Variants in IL5 observed in about 807,000 individuals in gnomAD.
The protein encoded by IL5 is interleukin-5.
In IL5, 12 loss-of-function variants were observed where a neutral mutation model predicts 16.3. The observed-to-expected ratio is 0.74, with a 90% confidence interval of 0.47 to 1.20. The LOEUF is 1.20. Ranked by LOEUF, IL5 falls within the 50% of genes most tolerant of loss-of-function variation. The pLI is 0.00. For synonymous variants in IL5, 54 were observed against 56.6 expected (o/e 0.95, Z 0.21); for missense variants, 159 against 153.9 (o/e 1.03, Z -0.17).
chr5:132,547,586 G>A (rs904458351), upstream of IL5, among the ~76,000 whole-genome samples: 8 of 152,118 alleles, frequency 5.3e-5, no homozygotes, highest in East Asian at 3.8e-4. Flanking sequence ...TAAGGACAAC[G>A]GGCACAACTA....
exon 1 of IL5, chr5:132,556,721 G>A (rs1360932815): frequency 1.6e-6 from 2 of 1,243,862 alleles, no homozygotes; most frequent in East Asian, 5.3e-5. Context: ...CCCATTCCAG[G>A]AGTCCCAGGA....
upstream of IL5, among the ~76,000 whole-genome samples, chr5:132,546,755 G>A (rs1231688826): frequency 2.0e-5 from 3 of 152,180 alleles, no homozygotes; most frequent in African/African-American, 7.2e-5. Context: ...GCCAGGCATG[G>A]TGGCTCACAC....
At chr5:132,551,953 G>A (rs1399388413) in intron 1 of IL5, among the ~76,000 whole-genome samples, 1 of 152,120 alleles carries the variant, frequency 6.6e-6, no homozygotes, top group African/African-American at 2.4e-5. Flanking sequence ...TCAGAAAAAA[G>A]GGAGAATTAT....
chr5:132,547,698 G>C (rs1228192049), upstream of IL5, among the ~76,000 whole-genome samples: 1 of 152,204 alleles, frequency 6.6e-6, no homozygotes, highest in African/African-American at 2.4e-5. Context: ...ACTGGGTGCA[G>C]GGCACACTGG....
chr5:132,552,417 C>T (rs1749898584), intron 1 of IL5, among the ~76,000 whole-genome samples: 1 of 152,118 alleles, frequency 6.6e-6, no homozygotes, highest in African/African-American at 2.4e-5. Context: ...TAGTAGTTTA[C>T]TAAGAAGTGG....
chr5:132,546,118 A>G (rs1376553488), upstream of IL5, among the ~76,000 whole-genome samples: 1 of 152,190 alleles, frequency 6.6e-6, no homozygotes, highest in Non-Finnish European at 1.5e-5. Context: ...AATACTTCTT[A>G]TTCAAAATTG....
upstream of IL5, among the ~76,000 whole-genome samples, chr5:132,545,918 AAAACAAAC>A (rs573189792): frequency 6.6e-6 from 1 of 152,084 alleles, no homozygotes; most frequent in Non-Finnish European, 1.5e-5. Context: ...AGACTGTCTC[AAAACAAAC>A]AAACAAACAA....
At chr5:132,553,678 T>G (rs1231360250) in intron 1 of IL5, among the ~76,000 whole-genome samples, 3 of 152,182 alleles carry the variant, frequency 2.0e-5, no homozygotes, top group Admixed American at 6.5e-5. Flanking sequence ...GGCTCACGCC[T>G]GTAATCCCAG....
chr5:132,556,809 C>G (rs1749995172), exon 1 of IL5: 1 of 1,204,994 alleles, frequency 8.3e-7, no homozygotes, highest in African/African-American at 1.6e-5. Context: ...GGCTGCCCAT[C>G]CCCAGCAAAG....
chr5:132,542,032 A>T lies in IL5; in HGVS notation c.289T>A (p.Tyr97Asn), dbSNP rs1225271649. ...TAACTTACTTTTTGGCCGTCAATGTATTTCTTTATTAAGGACAAGTTTTTG... is the reference window on the plus strand; with the variant it reads ...TAACTTACTTTTTGGCCGTCAATGTTTTTCTTTATTAAGGACAAGTTTTTG... ...LFKNLSLIKK[Y>N]IDGQKKKCGE... Residue 97 changes from tyrosine (Y) to asparagine (N), a missense_variant, in exon 3 of 4, where the codon TAC (tyrosine) becomes AAC (asparagine). Physicochemically the swap from Tyr to Asn is moderately radical, Grantham distance 143. Coordinates refer to ENST00000231454, the MANE Select transcript of IL5 (RefSeq NM_000879.3). The T allele has an allele frequency of 6.2e-7, 1 of 1,613,918 alleles. No homozygotes were observed. Among genetic ancestry groups the T allele is most frequent in the Admixed American group, 1.7e-5 (1 of 59,982 alleles).
chr5:132,555,806 C>T (rs149415634), intron 1 of IL5, among the ~76,000 whole-genome samples: 49 of 152,262 alleles, frequency 3.2e-4, no homozygotes, highest in Middle Eastern at 3.4e-3. Context: ...TGAGCCACCG[C>T]GCCTGGCCAA....
rs1749687738 is a variant in IL5, at chr5:132,541,449, G to C, written c.*362C>G. 5.0e-6 allele frequency: 1 copy of C among 201,072 alleles called. No individual in the cohort carries two copies. Among genetic ancestry groups the C allele is most frequent in the African/African-American group, 2.4e-5 (1 of 41,882 alleles). The allele number at this position is 201,072 out of a possible 1,614,324, so 12.5% of individuals were successfully genotyped here. The stretch of plus-strand genomic sequence containing the variant: ...ACAGAGGCCAGCAGCAAATTGAACA[G>C]TTGTCTATTTTTGTTTTATTAGAAC... On this transcript the variant is annotated 3_prime_UTR_variant, in exon 4 of 4. Coordinates refer to ENST00000231454, the MANE Select transcript of IL5 (RefSeq NM_000879.3).
At chr5:132,553,910 A>G (rs7717050) in intron 1 of IL5, among the ~76,000 whole-genome samples, 6,726 of 134,852 alleles carry the variant, frequency 0.05, 522 homozygotes, top group African/African-American at 0.18. Flanking sequence ...CTGCACTCCA[A>G]CCTGGGCAAC....
In IL5 at chr5:132,543,166, C is replaced by T. The variant is rs752943234; in HGVS notation, c.145-40G>A. On this transcript the variant is annotated intron_variant, in intron 1 of 3. Transcript: ENST00000231454. The stretch of plus-strand genomic sequence containing the variant: ...AAATACAATCATTTTTACAGCACAC[C>T]AGCATTCATAACTTTTAACAGAATG... 2.5e-6 allele frequency: 4 copies of T among 1,579,170 alleles called. No homozygotes were observed. The African/African-American group carries it at 4.0e-5, about 16-fold the overall frequency.
chr5:132,541,765 T>C lies in IL5; in HGVS notation c.*46A>G, dbSNP rs199508402. Reference sequence around the variant, plus strand: ...GGCCCTCATTCTCACTGCAGTAAAATGTCCTTCTCCTCCAAAATCTTTGGC... The same window carrying C: ...GGCCCTCATTCTCACTGCAGTAAAACGTCCTTCTCCTCCAAAATCTTTGGC... On this transcript the variant is annotated 3_prime_UTR_variant, in exon 4 of 4. Transcript: ENST00000231454. The C allele has an allele frequency of 3.2e-6, 4 of 1,262,748 alleles. No homozygotes were observed. In the South Asian group the frequency reaches 3.7e-5, roughly 12 times the overall value. The allele number at this position is 1,262,748 out of a possible 1,614,324, so 78.2% of individuals were successfully genotyped here. A position where few individuals can be genotyped will look rare whatever the true frequency, so the allele number is the denominator to read the frequency against.
Position 132,543,318 on chromosome 5 carries a change from A to C in IL5, c.144+17T>G. The C allele has an allele frequency of 6.2e-7, 1 of 1,610,402 alleles. No individual in the cohort carries two copies. Among genetic ancestry groups the C allele is most frequent in the Non-Finnish European group, 8.5e-7 (1 of 1,176,790 alleles). ...CCTATGCACTTTACAGACTGTAGGA[A>C]TCATAAAGAAAATTACCTCATTGGC... On this transcript the variant is annotated intron_variant, in intron 1 of 3. Transcript: ENST00000231454.
In IL5 at chr5:132,555,779, T is replaced by G. The variant is rs571594115; in HGVS notation, c.42+895A>C. Among the ~76,000 whole-genome samples the G allele has an allele frequency of 2.0e-5, 3 of 152,340 alleles. No individual in the cohort carries two copies. In the South Asian group the frequency reaches 6.2e-4, roughly 32 times the overall value. The stretch of plus-strand genomic sequence containing the variant: ...ATCCACCCGTCTCGGCCTCCCAAAG[T>G]GCTGGGATTACAGGCGTGAGCCACC... On this transcript the variant is annotated intron_variant, in intron 1 of 2. Coordinates refer to the IL5 transcript ENST00000450655.
At chr5:132,554,195 G>A (rs1298596757) in intron 1 of IL5, among the ~76,000 whole-genome samples, 3 of 151,666 alleles carry the variant, frequency 2.0e-5, no homozygotes, top group Non-Finnish European at 4.4e-5. Flanking sequence ...GTGAAACCCC[G>A]TCTCTACTAA....
At chr5:132,556,630 A>G in intron 1 of IL5, 1 of 1,145,784 alleles carries the variant, frequency 8.7e-7, no homozygotes, top group Non-Finnish European at 1.1e-6. Context: ...AACGTTAGAG[A>G]GAGAATGAGA....
Sources: gnomAD v4.1 joint callset for allele counts (sites outside exome capture counted in the v4.1 genomes callset) on GRCh38, gnomAD v4.1.1 for gene constraint, MANE v1.5 for transcripts, NCBI Gene and HGNC (gene_info 2026-07-23, HGNC 2026-07-21) for gene names.